SOD2: variants seen among roughly 807,000 people sequenced by gnomAD.
SOD2 encodes the protein superoxide dismutase 2, also known as superoxide dismutase [Mn], mitochondrial.
A neutral mutation model predicts 27.0 loss-of-function variants in SOD2; 11 were observed. The observed-to-expected ratio is 0.41, with a 90% CI of 0.26 to 0.67. The LOEUF (loss-of-function observed/expected upper bound fraction) is 0.67. Ranked by LOEUF, SOD2 falls within the 30% of genes least tolerant of loss-of-function variation. SOD2 has a pLI of 0.34. For synonymous variants in SOD2, 105 were observed against 103.0 expected, an observed-to-expected ratio of 1.02 and a Z score of -0.12; for missense variants, 250 against 274.5, an observed-to-expected ratio of 0.91 and a Z score of 0.63.
chr6:159,720,909 T>G (rs983792038), intron 1 of SOD2, among the ~76,000 whole-genome samples: 35 of 143,100 alleles, frequency 2.4e-4, no homozygotes, highest in Non-Finnish European at 3.9e-4. Context: ...CAGGCTGTAG[T>G]GCAATGGCGC....
chr6:159,755,786 T>A, intron 1 of SOD2: 1 of 1,013,072 alleles, frequency 9.9e-7, no homozygotes, highest in Non-Finnish European at 1.3e-6. Context: ...TTTTTTTTTT[T>A]TTTTGCTTCA....
Position 159,754,242 on chromosome 6 carries a change from T to C in SOD2, c.-335-5566A>G, listed in dbSNP as rs538077988. ...GATGATCAGTAGCCAAGTAATTTCT[T>C]CTGAACTACCTACCTTTTCAAAATC... On this transcript the variant is annotated intron_variant, in intron 1 of 7. Coordinates refer to the SOD2 transcript ENST00000546087. 4.6e-5 allele frequency among the ~76,000 whole-genome samples: 7 copies of C among 152,336 alleles called. No individual in the cohort carries two copies. The South Asian group carries it at 1.0e-3, about 23-fold the overall frequency.
intron 1 of SOD2, among the ~76,000 whole-genome samples, chr6:159,709,560 C>G (rs547879639): frequency 7.9e-5 from 12 of 152,230 alleles, no homozygotes; most frequent in African/African-American, 2.9e-4. Flanking sequence ...ATCAAAAGCA[C>G]AATGAGATAT....
upstream of SOD2, among the ~76,000 whole-genome samples, chr6:159,697,350 T>TACA (rs10661515): frequency 6.6e-6 from 1 of 151,510 alleles, no homozygotes; most frequent in African/African-American, 2.4e-5. Flanking sequence ...GAATTGGTTG[T>TACA]AACCTGTCCT....
chr6:159,726,972 G>C, intron 1 of SOD2: 8 of 1,282,360 alleles, frequency 6.2e-6, no homozygotes, highest in South Asian at 1.2e-5. Context: ...ACACAGAGCG[G>C]CCAATCACGC....
upstream of SOD2, among the ~76,000 whole-genome samples, chr6:159,728,126 T>C (rs944917992): frequency 6.6e-6 from 1 of 152,256 alleles, no homozygotes; most frequent in Non-Finnish European, 1.5e-5. Context: ...CTACATTTCA[T>C]GTCACGCAGT....
At chr6:159,754,275 A>G (rs1336398898) in intron 1 of SOD2, among the ~76,000 whole-genome samples, 1 of 152,214 alleles carries the variant, frequency 6.6e-6, no homozygotes, top group African/African-American at 2.4e-5. Context: ...ATCTTCAGGA[A>G]TTATTTCCTG....
At chr6:159,736,204 A>G (rs1367614716) in intron 1 of SOD2, 3 of 1,548,364 alleles carry the variant, frequency 1.9e-6, no homozygotes, top group African/African-American at 1.4e-5. Context: ...TTTTATTCCT[A>G]CTTTCACTGG....
At chr6:159,745,925 AAAAT>A (rs1372795705), upstream of SOD2, among the ~76,000 whole-genome samples, 2 of 152,166 alleles carry the variant, frequency 1.3e-5, no homozygotes, top group Non-Finnish European at 2.9e-5. Flanking sequence ...AGGAATGAAA[AAAAT>A]CTAGGGAGGA....
At chr6:159,716,781 TCACA>T (rs1190882723) in intron 1 of SOD2, among the ~76,000 whole-genome samples, 1 of 152,128 alleles carries the variant, frequency 6.6e-6, no homozygotes, top group East Asian at 1.9e-4. Flanking sequence ...AAGATACTTT[TCACA>T]CACACACAAA....
chr6:159,706,589 C>T (rs1338895041), intron 1 of SOD2, among the ~76,000 whole-genome samples: 1 of 152,026 alleles, frequency 6.6e-6, no homozygotes, highest in Non-Finnish European at 1.5e-5. Flanking sequence ...ATATATGCAC[C>T]CAATACAGGA....
upstream of SOD2, among the ~76,000 whole-genome samples, chr6:159,727,931 G>A (rs1484483583): frequency 6.6e-6 from 1 of 152,258 alleles, no homozygotes; most frequent in Non-Finnish European, 1.5e-5. Context: ...CCCGGGTTGA[G>A]AGGGGTGCTC....
At chr6:159,727,517 C>A, upstream of SOD2, 2 of 992,594 alleles carry the variant, frequency 2.0e-6, no homozygotes, top group Non-Finnish European at 2.4e-6. Flanking sequence ...TCCCTCAGCG[C>A]CATTTTGTGG....
At chr6:159,735,928 A>G (rs1056941331) in intron 1 of SOD2, among the ~76,000 whole-genome samples, 7 of 152,106 alleles carry the variant, frequency 4.6e-5, no homozygotes, top group Admixed American at 1.3e-4. Flanking sequence ...TGAGGTCATT[A>G]TATTTCTCTT....
chr6:159,711,218 A>C (rs879225940), intron 1 of SOD2, among the ~76,000 whole-genome samples: 12 of 39,702 alleles, frequency 3.0e-4, no homozygotes, highest in Non-Finnish European at 4.3e-4. Flanking sequence ...TCTGATCACC[A>C]TAACCACCTC....
intron 2 of SOD2, among the ~76,000 whole-genome samples, chr6:159,689,938 C>T (rs148426815): frequency 0.037 from 5,452 of 145,524 alleles, 137 homozygotes; most frequent in South Asian, 0.064. Flanking sequence ...CCAGCCTGGG[C>T]GACAGGGCAA....
At chr6:159,753,416 G>C in intron 1 of SOD2, 1 of 1,613,370 alleles carries the variant, frequency 6.2e-7, no homozygotes, top group Non-Finnish European at 8.5e-7. Flanking sequence ...CAAAGACAGA[G>C]AGTTTTGTCT....
At chr6:159,727,692 C>T (rs1205163850), upstream of SOD2, 3 of 983,908 alleles carry the variant, frequency 3.0e-6, no homozygotes, top group South Asian at 1.4e-4. Flanking sequence ...GGCGCGGCTT[C>T]TGCCTGGAGA....
chr6:159,727,663 C>G (rs1316243386), upstream of SOD2: 1 of 984,684 alleles, frequency 1.0e-6, no homozygotes, highest in African/African-American at 1.8e-5. Flanking sequence ...CGGCCTCGGC[C>G]TATGCGACCG....
Sources: gnomAD v4.1 joint callset for allele counts (sites outside exome capture counted in the v4.1 genomes callset) on GRCh38, gnomAD v4.1.1 for gene constraint, MANE v1.5 for transcripts, NCBI Gene and HGNC (gene_info 2026-07-23, HGNC 2026-07-21) for gene names.